The following RAB3GAP1 variants were observed in gnomAD, a reference collection of about 807,000 sequenced individuals.
RAB3GAP1 encodes RAB3 GTPase activating protein catalytic subunit 1.
Under a neutral mutation model 130.7 loss-of-function variants are expected in RAB3GAP1, and 86 were observed. That is an observed-to-expected ratio of 0.66 (90% CI 0.55 to 0.79). The LOEUF is 0.79. RAB3GAP1 is among the 30% of genes least tolerant of loss of function. The probability of loss-of-function intolerance (pLI) is 0.00; values close to 1 mark genes in which losing one functional copy is unlikely to be tolerated. For missense variants in RAB3GAP1, 1,029 were observed against 1,169.4 expected (o/e 0.88, Z 1.75); for synonymous variants, 367 against 401.7 (o/e 0.91, Z 1.03).
chr2:135,139,004 T>C (rs1375216045), intron 17 of RAB3GAP1, among the ~76,000 whole-genome samples: 1 of 152,182 alleles, frequency 6.6e-6, no homozygotes, highest in Non-Finnish European at 1.5e-5. Flanking sequence ...TTTTAGATTG[T>C]ATTTTTCTGA....
intron 6 of RAB3GAP1, among the ~76,000 whole-genome samples, chr2:135,114,765 A>G (rs1690916602): frequency 6.6e-6 from 1 of 152,234 alleles, no homozygotes; most frequent in Non-Finnish European, 1.5e-5. Flanking sequence ...GTTAACACGT[A>G]TTCTCTCTAA....
intron 18 of RAB3GAP1, among the ~76,000 whole-genome samples, chr2:135,152,153 C>A (rs1244429892): frequency 6.6e-6 from 1 of 152,184 alleles, no homozygotes; most frequent in Non-Finnish European, 1.5e-5. Flanking sequence ...GTTGCCTTTA[C>A]TTTTTGTATA....
At chr2:135,082,929 A>T (rs986997627) in intron 3 of RAB3GAP1, among the ~76,000 whole-genome samples, 6 of 152,170 alleles carry the variant, frequency 3.9e-5, no homozygotes, top group Admixed American at 3.9e-4. Flanking sequence ...ATAAAATGGC[A>T]TATTAGCAAA....
At chr2:135,123,378 A>C (rs1249517989) in intron 8 of RAB3GAP1, among the ~76,000 whole-genome samples, 2 of 152,196 alleles carry the variant, frequency 1.3e-5, no homozygotes, top group Non-Finnish European at 2.9e-5. Flanking sequence ...GAATCAAGTA[A>C]TTGATTCATA....
At chr2:135,116,025 T>C (rs1690961496) in intron 7 of RAB3GAP1, among the ~76,000 whole-genome samples, 1 of 152,178 alleles carries the variant, frequency 6.6e-6, no homozygotes, top group African/African-American at 2.4e-5. Context: ...GAAAGCTAGA[T>C]AACCAATAGT....
intron 4 of RAB3GAP1, among the ~76,000 whole-genome samples, chr2:135,092,726 C>T (rs1371170205): frequency 6.6e-6 from 1 of 152,224 alleles, no homozygotes; most frequent in Non-Finnish European, 1.5e-5. Context: ...GCGTGAATCA[C>T]TGTGCCCAGC....
intron 23 of RAB3GAP1, among the ~76,000 whole-genome samples, chr2:135,167,216 T>A (rs1692681195): frequency 6.6e-6 from 1 of 152,198 alleles, no homozygotes; most frequent in African/African-American, 2.4e-5. Flanking sequence ...TCTTTAAAAT[T>A]ATAAATAGTA....
chr2:135,147,621 C>G (rs527619395), intron 17 of RAB3GAP1, among the ~76,000 whole-genome samples: 3 of 147,816 alleles, frequency 2.0e-5, no homozygotes, highest in Non-Finnish European at 4.4e-5. Flanking sequence ...CCCCTCCCCC[C>G]CCCTTTTTTT....
chr2:135,167,872 A>G (rs983586088), intron 23 of RAB3GAP1, among the ~76,000 whole-genome samples: 4 of 152,164 alleles, frequency 2.6e-5, no homozygotes, highest in African/African-American at 9.7e-5. Flanking sequence ...CATTGCCAAA[A>G]CAATTTTTTT....
At chr2:135,084,169 C>T (rs557635296) in intron 3 of RAB3GAP1, among the ~76,000 whole-genome samples, 136 of 152,110 alleles carry the variant, frequency 8.9e-4, no homozygotes, top group Middle Eastern at 3.4e-3. Context: ...TGCTTGAACC[C>T]GGGAGGCAGA....
chr2:135,070,880 G>A (rs562221527), intron 3 of RAB3GAP1, among the ~76,000 whole-genome samples: 87 of 152,204 alleles, frequency 5.7e-4, no homozygotes, highest in African/African-American at 2.0e-3. Flanking sequence ...AATTTTCTTG[G>A]GAGGTGGTCC....
At chr2:135,114,720 T>G (rs1324607878) in intron 6 of RAB3GAP1, among the ~76,000 whole-genome samples, 1 of 152,260 alleles carries the variant, frequency 6.6e-6, no homozygotes, top group Non-Finnish European at 1.5e-5. Context: ...GCAATGTAAC[T>G]TGTGCATGAA....
intron 3 of RAB3GAP1, among the ~76,000 whole-genome samples, chr2:135,084,226 C>T (rs1287922770): frequency 6.6e-6 from 1 of 152,178 alleles, no homozygotes; most frequent in East Asian, 1.9e-4. Context: ...GCCTGGGCAA[C>T]AAGAGCGAAA....
At chr2:135,152,355 G>A (rs933538756) in intron 18 of RAB3GAP1, among the ~76,000 whole-genome samples, 33 of 152,222 alleles carry the variant, frequency 2.2e-4, no homozygotes, top group Admixed American at 6.5e-4. Context: ...TGGTAGCTAT[G>A]TTCAGCCTAG....
At chr2:135,135,995 A>G (rs1691670870) in intron 17 of RAB3GAP1, 63 bp downstream of exon 17, 1 of 1,580,866 alleles carries the variant, frequency 6.3e-7, no homozygotes, top group East Asian at 2.2e-5. Flanking sequence ...TCATCCTAGT[A>G]GAAGATAGTG....
At chr2:135,085,791 G>T in intron 3 of RAB3GAP1, among the ~76,000 whole-genome samples, 1 of 151,750 alleles carries the variant, frequency 6.6e-6, no homozygotes, top group African/African-American at 2.4e-5. Flanking sequence ...TTATTTGTTG[G>T]GTTATGATTT....
At chr2:135,095,698 A>G (rs1026992536) in intron 5 of RAB3GAP1, among the ~76,000 whole-genome samples, 2 of 152,218 alleles carry the variant, frequency 1.3e-5, no homozygotes, top group African/African-American at 4.8e-5. Context: ...ATTTCAGGCA[A>G]AAACAACAAG....
chr2:135,142,544 C>T (rs1480311456), intron 17 of RAB3GAP1, among the ~76,000 whole-genome samples: 1 of 152,128 alleles, frequency 6.6e-6, no homozygotes, highest in East Asian at 1.9e-4. Context: ...GTGGCTAGGA[C>T]CTCCAGTACA....
chr2:135,074,044 T>A (rs1185569725), intron 3 of RAB3GAP1, among the ~76,000 whole-genome samples: 1 of 152,176 alleles, frequency 6.6e-6, no homozygotes, highest in Non-Finnish European at 1.5e-5. Flanking sequence ...TTACACTGGA[T>A]GAACACTAGG....
Sources: gnomAD v4.1 joint callset for allele counts (sites outside exome capture counted in the v4.1 genomes callset) on GRCh38, gnomAD v4.1.1 for gene constraint, MANE v1.5 for transcripts, NCBI Gene and HGNC (gene_info 2026-07-23, HGNC 2026-07-21) for gene names.